Variants in MAP4K4 observed in about 807,000 individuals in gnomAD.
MAP4K4 encodes the protein mitogen-activated protein kinase kinase kinase kinase 4.
A neutral mutation model predicts 189.6 loss-of-function variants in MAP4K4; 38 were observed. The ratio of observed to expected loss-of-function variants is 0.20; its 90% CI spans 0.15 to 0.26. The LOEUF (loss-of-function observed/expected upper bound fraction) is 0.26, where lower values mean the gene tolerates loss of function less well. MAP4K4 is among the 10% of genes least tolerant of loss of function. The pLI is 1.00. For missense variants in MAP4K4, 1,054 were observed against 1,726.9 expected, an observed-to-expected ratio of 0.61 and a Z score of 6.91; for synonymous variants, 610 against 624.3, an observed-to-expected ratio of 0.98 and a Z score of 0.34.
chr2:101,874,461 A>G (rs1055259760), intron 26 of MAP4K4, among the ~76,000 whole-genome samples: 1 of 152,246 alleles, frequency 6.6e-6, no homozygotes, highest in African/African-American at 2.4e-5. Flanking sequence ...AAATATTGGC[A>G]TGATTAATCT....
At chr2:101,882,966 G>A (rs557888966) in intron 28 of MAP4K4, among the ~76,000 whole-genome samples, 24 of 152,310 alleles carry the variant, frequency 1.6e-4, no homozygotes, top group African/African-American at 5.5e-4. Flanking sequence ...TCTTGTGAGA[G>A]TCTTTCCACT....
chr2:101,723,837 C>T (rs919171057), intron 2 of MAP4K4, among the ~76,000 whole-genome samples: 20 of 152,266 alleles, frequency 1.3e-4, no homozygotes, highest in Non-Finnish European at 2.6e-4. Flanking sequence ...CTTCTTGTTT[C>T]GGTTCGGGAA....
chr2:101,859,969 A>C (rs1351260080), intron 15 of MAP4K4, 105 bp downstream of exon 15: 1 of 1,152,650 alleles, frequency 8.7e-7, no homozygotes, highest in Non-Finnish European at 1.3e-6. Context: ...AGTTTAGCTA[A>C]TTATCTGGTT....
chr2:101,824,905 T>C (rs1020612823), intron 4 of MAP4K4, among the ~76,000 whole-genome samples: 1 of 152,232 alleles, frequency 6.6e-6, no homozygotes, highest in Non-Finnish European at 1.5e-5. Flanking sequence ...CCAGTTAATA[T>C]AAAATATAAT....
intron 3 of MAP4K4, among the ~76,000 whole-genome samples, chr2:101,808,573 C>T (rs114777958): frequency 0.041 from 5,831 of 142,258 alleles, 284 homozygotes; most frequent in Non-Finnish European, 0.048. Context: ...AGTATACCTA[C>T]GGTGGTGAAT....
At position 101,825,536 on chromosome 2, in the gene MAP4K4, ATTCTCTTTGACAGCCAAGGG is replaced by A. The variant is rs2096309517; in HGVS notation, c.417+112_417+131del. ...TGCATTACTTATATCTATATAGATT[ATTCTCTTTGACAGCCAAGGG>A]TTCTGTATATCTAGCTAGCTTTGAT... On this transcript the variant is annotated intron_variant, in intron 5 of 32. Coordinates refer to ENST00000324219, the Ensembl canonical transcript of MAP4K4. 1.0e-5 allele frequency: 6 copies of A among 591,338 alleles called. No homozygotes were observed. The South Asian group carries it at 1.7e-4, about 17-fold the overall frequency. 36.6% of individuals were successfully genotyped at this position (591,338 alleles called of 1,614,324 possible). A position where few individuals can be genotyped will look rare whatever the true frequency, so the allele number is the denominator to read the frequency against.
At chr2:101,804,094 A>G (rs1471197773) in intron 3 of MAP4K4, among the ~76,000 whole-genome samples, 1 of 152,136 alleles carries the variant, frequency 6.6e-6, no homozygotes, top group African/African-American at 2.4e-5. Flanking sequence ...CTTCTGGTGA[A>G]TGAACAGCCC....
chr2:101,821,902 A>G (rs796911593), intron 3 of MAP4K4, among the ~76,000 whole-genome samples: 2 of 152,298 alleles, frequency 1.3e-5, no homozygotes, highest in African/African-American at 4.8e-5. Flanking sequence ...TAACTTTTTA[A>G]ACATTTTGGT....
At chr2:101,751,061 C>T (rs554900105) in intron 2 of MAP4K4, among the ~76,000 whole-genome samples, 170 of 151,760 alleles carry the variant, frequency 1.1e-3, no homozygotes, top group African/African-American at 4.0e-3. Flanking sequence ...TTTCTTGTTT[C>T]GTTGGGGGGT....
At chr2:101,776,567 C>A (rs1453051342) in intron 2 of MAP4K4, among the ~76,000 whole-genome samples, 2 of 79,200 alleles carry the variant, frequency 2.5e-5, no homozygotes, top group African/African-American at 4.1e-5. Flanking sequence ...AAAAAATGCA[C>A]CCCCACCCCC....
chr2:101,832,110 A>G (rs543911556), intron 7 of MAP4K4, among the ~76,000 whole-genome samples: 3 of 152,222 alleles, frequency 2.0e-5, no homozygotes, highest in African/African-American at 7.2e-5. Context: ...TGTGCCTAGA[A>G]CTTTTTGTTC....
At chr2:101,740,504 G>C (rs914658430) in intron 2 of MAP4K4, among the ~76,000 whole-genome samples, 3 of 152,124 alleles carry the variant, frequency 2.0e-5, no homozygotes, top group African/African-American at 7.2e-5. Flanking sequence ...TTTAAAGCCT[G>C]CATTGCTGTA....
intron 3 of MAP4K4, among the ~76,000 whole-genome samples, chr2:101,817,203 G>A (rs992653145): frequency 1.3e-5 from 2 of 152,124 alleles, no homozygotes; most frequent in Non-Finnish European, 2.9e-5. Context: ...GGGGCTCGAC[G>A]AGGTCAACTG....
At chr2:101,877,863 C>A (rs2098256551) in intron 27 of MAP4K4, among the ~76,000 whole-genome samples, 1 of 152,138 alleles carries the variant, frequency 6.6e-6, no homozygotes, top group East Asian at 1.9e-4. Flanking sequence ...CATTCTCCTG[C>A]CTCAGCCTCC....
At chr2:101,737,522 G>C (rs550329757) in intron 2 of MAP4K4, among the ~76,000 whole-genome samples, 16 of 131,072 alleles carry the variant, frequency 1.2e-4, no homozygotes, top group Non-Finnish European at 2.3e-4. Context: ...TGATGGATCA[G>C]AGTGTGAGAT....
chr2:101,831,293 C>T (rs535806773), intron 6 of MAP4K4, among the ~76,000 whole-genome samples: 4 of 151,928 alleles, frequency 2.6e-5, no homozygotes, highest in Admixed American at 6.6e-5. Flanking sequence ...AGAAAACTTT[C>T]GTGAAATTCT....
chr2:101,871,532 CAA>C lies in MAP4K4; in HGVS notation c.2800_2801del (p.Asn934TrpfsTer49). On this transcript the variant is annotated frameshift_variant, in exon 24 of 33. Transcript: ENST00000324219. LOFTEE classifies it high-confidence loss of function. ...AAAAGCGTGCCAGCCATCATGAGAG[CAA>C]TGGCTTTGCCGGTCGCATTCACCTC... 2 of 1,535,954 alleles carry C rather than the reference CAA, an allele frequency of 1.3e-6. No homozygotes were observed. Among genetic ancestry groups the C allele is most frequent in the South Asian group, 2.4e-5 (2 of 84,024 alleles).
intron 3 of MAP4K4, 44 bp downstream of exon 3, chr2:101,790,820 G>A (rs1347689318): frequency 6.9e-7 from 1 of 1,445,200 alleles, no homozygotes; most frequent in Non-Finnish European, 9.6e-7. Context: ...TTAGATGGAA[G>A]ACAAAGATTC....
chr2:101,788,509 G>A lies in MAP4K4; in HGVS notation c.124-2211G>A, dbSNP rs1365890222. Reference sequence around the variant, plus strand: ...CCTGGGTCCCAGATTAATTTTTCCCGGTACAGTGTCTTGTTTGGAAGGAGG... The same window carrying A: ...CCTGGGTCCCAGATTAATTTTTCCCAGTACAGTGTCTTGTTTGGAAGGAGG... On this transcript the variant is annotated intron_variant, in intron 2 of 32. Coordinates refer to ENST00000324219, the Ensembl canonical transcript of MAP4K4. Among the ~76,000 whole-genome samples, 3 of 152,106 alleles carry A rather than the reference G, an allele frequency of 2.0e-5. 1 individual carries two copies. Among genetic ancestry groups the A allele is most frequent in the South Asian group, 4.1e-4 (2 of 4,828 alleles).
Sources: gnomAD v4.1 joint callset for allele counts (sites outside exome capture counted in the v4.1 genomes callset) on GRCh38, gnomAD v4.1.1 for gene constraint, MANE v1.5 for transcripts, NCBI Gene and HGNC (gene_info 2026-07-23, HGNC 2026-07-21) for gene names.